C12orf42: variants seen among roughly 807,000 people sequenced by gnomAD.
C12orf42 encodes chromosome 12 open reading frame 42.
In C12orf42, 25 loss-of-function variants were observed where a neutral mutation model predicts 21.6. The observed-to-expected ratio is 1.16, with a 90% CI of 0.84 to 1.62. The LOEUF (loss-of-function observed/expected upper bound fraction) is 1.62. C12orf42 is among the 40% of genes most tolerant of loss of function. The probability of loss-of-function intolerance (pLI) is 0.00; values close to 1 mark genes in which losing one functional copy is unlikely to be tolerated. For missense variants in C12orf42, 483 were observed against 459.3 expected, an observed-to-expected ratio of 1.05 and a Z score of -0.47; for synonymous variants, 174 against 175.0, an observed-to-expected ratio of 0.99 and a Z score of 0.05.
At chr12:103,296,267 T>A (rs974966784) in intron 4 of C12orf42, among the ~76,000 whole-genome samples, 2 of 152,158 alleles carry the variant, frequency 1.3e-5, no homozygotes, top group African/African-American at 4.8e-5. Context: ...CTATCATTGA[T>A]AGACATTTGG....
chr12:103,153,983 G>A, the C12orf42 span, among the ~76,000 whole-genome samples: 1 of 83,636 alleles, frequency 1.2e-5, no homozygotes, highest in South Asian at 4.1e-4. Flanking sequence ...TAGTAAGATG[G>A]AACAATCTAC....
In C12orf42 at chr12:103,397,797, C is replaced by T. The variant is rs967216813; in HGVS notation, c.147+3810G>A. 4 of 152,078 alleles carry T rather than the reference C, an allele frequency of 2.6e-5. No individual in the cohort carries two copies. The South Asian group carries it at 8.3e-4, about 32-fold the overall frequency. The allele number at this position is 152,078 out of a possible 1,614,324, so 9.4% of individuals were successfully genotyped here. A position where few individuals can be genotyped will look rare whatever the true frequency, so the allele number is the denominator to read the frequency against. On this transcript the variant is annotated intron_variant, in intron 3 of 5. Transcript: ENST00000548883. ...TGAGAGTAAGGATAAAGAAAGGTTGCCTAATGGGTATAAACATGCATTTAG... is the reference window on the plus strand; with the variant it reads ...TGAGAGTAAGGATAAAGAAAGGTTGTCTAATGGGTATAAACATGCATTTAG...
At chr12:103,312,181 C>T (rs1223135357) in intron 4 of C12orf42, among the ~76,000 whole-genome samples, 1 of 152,192 alleles carries the variant, frequency 6.6e-6, no homozygotes, top group Non-Finnish European at 1.5e-5. Context: ...CGTCTTGTTA[C>T]ACTCCCTTCT....
At chr12:103,517,741 C>T in the C12orf42 span, among the ~76,000 whole-genome samples, 44 of 151,940 alleles carry the variant, frequency 2.9e-4, no homozygotes, top group African/African-American at 1.0e-3. Flanking sequence ...GCTTATGTTT[C>T]TCTGTTATCA....
the C12orf42 span, among the ~76,000 whole-genome samples, chr12:103,055,979 A>G: frequency 2.2e-4 from 33 of 152,138 alleles, no homozygotes; most frequent in African/African-American, 7.5e-4. Flanking sequence ...TTTGGTATAG[A>G]TCCTTCAGGC....
downstream of C12orf42, among the ~76,000 whole-genome samples, chr12:103,235,228 T>G (rs2033432356): frequency 6.6e-6 from 1 of 152,148 alleles, no homozygotes; most frequent in Non-Finnish European, 1.5e-5. Flanking sequence ...GCAGCTCAGT[T>G]TACACCCATG....
chr12:103,326,416 T>TA (rs2040710594), intron 4 of C12orf42, among the ~76,000 whole-genome samples: 1 of 152,232 alleles, frequency 6.6e-6, no homozygotes, highest in Admixed American at 6.5e-5. Context: ...CAGATCCTGT[T>TA]GCTTCCTTGC....
chr12:103,316,978 A>G (rs920885801), intron 4 of C12orf42, among the ~76,000 whole-genome samples: 1 of 152,074 alleles, frequency 6.6e-6, no homozygotes, highest in African/African-American at 2.4e-5. Flanking sequence ...ATTGGTCCAC[A>G]TTGCTCAGTT....
chr12:103,505,123 G>A, the C12orf42 span, among the ~76,000 whole-genome samples: 2 of 152,178 alleles, frequency 1.3e-5, no homozygotes, highest in South Asian at 4.1e-4. Context: ...TTAAAAAGAA[G>A]ATGGAATTCT....
the C12orf42 span, among the ~76,000 whole-genome samples, chr12:103,111,070 T>C: frequency 6.6e-6 from 1 of 152,226 alleles, no homozygotes; most frequent in Admixed American, 6.5e-5. Context: ...GAATTATTGT[T>C]ATTGCAGTGA....
chr12:103,371,816 C>A (rs1225061187), intron 3 of C12orf42, among the ~76,000 whole-genome samples: 6 of 152,114 alleles, frequency 3.9e-5, no homozygotes, highest in Non-Finnish European at 2.9e-5. Context: ...GGGCAACTTA[C>A]CTTCTCTATT....
chr12:103,180,562 T>C, the C12orf42 span, among the ~76,000 whole-genome samples: 1 of 122,786 alleles, frequency 8.1e-6, no homozygotes, highest in Non-Finnish European at 1.7e-5. Context: ...CCTTCTGTGA[T>C]ATTGAGAATT....
At chr12:103,102,656 G>A in the C12orf42 span, among the ~76,000 whole-genome samples, 4 of 152,182 alleles carry the variant, frequency 2.6e-5, no homozygotes, top group African/African-American at 9.7e-5. Flanking sequence ...AATAAGGCAG[G>A]TTGGACAGGC....
At chr12:103,508,519 C>G in the C12orf42 span, among the ~76,000 whole-genome samples, 279 of 152,242 alleles carry the variant, frequency 1.8e-3, 1 homozygote, top group African/African-American at 6.5e-3. Flanking sequence ...GCAATTCAGT[C>G]AATATATGAC....
chr12:103,527,062 A>G, the C12orf42 span, among the ~76,000 whole-genome samples: 4 of 152,188 alleles, frequency 2.6e-5, no homozygotes, highest in East Asian at 7.7e-4. Flanking sequence ...CTGGCAGCCT[A>G]TGGGCTGGTC....
chr12:103,376,404 C>G (rs1010900750), intron 3 of C12orf42, among the ~76,000 whole-genome samples: 2 of 151,344 alleles, frequency 1.3e-5, no homozygotes, highest in African/African-American at 4.9e-5. Flanking sequence ...CAGGGCCTGT[C>G]GAGGGGTGGG....
intron 5 of C12orf42, among the ~76,000 whole-genome samples, chr12:103,302,903 G>A (rs1342113713): frequency 6.6e-6 from 1 of 152,110 alleles, no homozygotes; most frequent in Non-Finnish European, 1.5e-5. Flanking sequence ...CTAAAATAGG[G>A]CCCGAACTTC....
intron 3 of C12orf42, among the ~76,000 whole-genome samples, chr12:103,393,404 C>A (rs990255484): frequency 6.6e-6 from 1 of 152,046 alleles, no homozygotes; most frequent in African/African-American, 2.4e-5. Context: ...CAGTACCAAG[C>A]GATGAGGGAT....
At chr12:103,317,862 T>C (rs6539066) in intron 4 of C12orf42, among the ~76,000 whole-genome samples, 75,218 of 152,084 alleles carry the variant, frequency 0.49, 21,313 homozygotes, top group African/African-American at 0.78. Flanking sequence ...AAAGGGTATA[T>C]ATATACACAT....
Sources: gnomAD v4.1 joint callset for allele counts (sites outside exome capture counted in the v4.1 genomes callset) on GRCh38, gnomAD v4.1.1 for gene constraint, MANE v1.5 for transcripts, NCBI Gene and HGNC (gene_info 2026-07-23, HGNC 2026-07-21) for gene names.